Variants in DLGAP1 observed in about 807,000 individuals in gnomAD.
DLGAP1 encodes the protein disks large-associated protein 1.
A neutral mutation model predicts 90.8 loss-of-function variants in DLGAP1; 11 were observed. The ratio of observed to expected loss-of-function variants is 0.12; its 90% confidence interval spans 0.08 to 0.20. DLGAP1 has a LOEUF of 0.20. Among genes scored for constraint, DLGAP1 ranks in the 10% least tolerant of loss-of-function variants. The pLI is 1.00. For missense variants in DLGAP1, 1,050 were observed against 1,333.8 expected (o/e 0.79, Z 3.31); for synonymous variants, 558 against 540.7 (o/e 1.03, Z -0.44).
intron 1 of DLGAP1, among the ~76,000 whole-genome samples, chr18:4,364,547 G>A (rs1467067781): frequency 6.6e-6 from 1 of 151,640 alleles, no homozygotes; most frequent in East Asian, 1.9e-4. Context: ...GGGAGGGAGT[G>A]CCCAGAATTG....
At chr18:4,363,595 G>A (rs1043658965) in intron 1 of DLGAP1, among the ~76,000 whole-genome samples, 40 of 152,236 alleles carry the variant, frequency 2.6e-4, no homozygotes, top group African/African-American at 9.6e-4. Context: ...AGTGGGCGAA[G>A]GACATGAACA....
chr18:4,109,852 T>C (rs2075940759), intron 2 of DLGAP1, among the ~76,000 whole-genome samples: 1 of 152,152 alleles, frequency 6.6e-6, no homozygotes, highest in Non-Finnish European at 1.5e-5. Context: ...AAGATTTGGG[T>C]TCGATTTTCC....
chr18:3,923,924 T>C lies in DLGAP1; in HGVS notation c.-72-43784A>G, dbSNP rs182474816. On this transcript the variant is annotated intron_variant, in intron 3 of 12. Coordinates refer to ENST00000315677, the MANE Select transcript of DLGAP1 (RefSeq NM_004746.4). The stretch of plus-strand genomic sequence containing the variant: ...ATCTTAAAGGAGATGGTGCTGGTGT[T>C]GAGTCACTATCTAATGACGACTCAC... 1.6e-3 allele frequency among the ~76,000 whole-genome samples: 246 copies of C among 152,344 alleles called. 1 individual carries two copies. Among genetic ancestry groups the C allele is most frequent in the African/African-American group, 5.8e-3 (243 of 41,572 alleles).
At chr18:4,140,397 A>G (rs2076475978) in intron 2 of DLGAP1, among the ~76,000 whole-genome samples, 1 of 152,004 alleles carries the variant, frequency 6.6e-6, no homozygotes, top group Admixed American at 6.6e-5. Flanking sequence ...ATAAGCAAAG[A>G]GAAAATGAAT....
intron 5 of DLGAP1, among the ~76,000 whole-genome samples, chr18:3,799,203 C>T (rs1466225802): frequency 6.6e-6 from 1 of 152,148 alleles, no homozygotes; most frequent in Non-Finnish European, 1.5e-5. Flanking sequence ...AAGAAAAAGC[C>T]ACAACCAGAG....
chr18:3,687,477 TA>T lies in DLGAP1; in HGVS notation c.1591+41657del, dbSNP rs368806068. 3.9e-4 allele frequency among the ~76,000 whole-genome samples: 59 copies of T among 152,366 alleles called. 2 individuals carry two copies. In the East Asian group the frequency reaches 8.9e-3, roughly 23 times the overall value. On this transcript the variant is annotated intron_variant, in intron 7 of 12. Coordinates refer to ENST00000315677, the MANE Select transcript of DLGAP1 (RefSeq NM_004746.4). ...TGCTTTGATATAGCTCTTCATTAAT[TA>T]CTTTATAAACATGATGATGATCTTA... is the stretch of plus-strand genomic sequence containing the variant.
At chr18:4,372,384 G>T (rs933824408) in intron 1 of DLGAP1, among the ~76,000 whole-genome samples, 8 of 152,196 alleles carry the variant, frequency 5.3e-5, no homozygotes, top group Admixed American at 3.3e-4. Context: ...GCCTTGTGAG[G>T]GGTTCAGTTG....
chr18:4,314,785 T>G (rs2080485496), intron 1 of DLGAP1, among the ~76,000 whole-genome samples: 1 of 152,098 alleles, frequency 6.6e-6, no homozygotes, highest in African/African-American at 2.4e-5. Context: ...GGATGGTACG[T>G]TAGGGCGTGG....
chr18:4,281,535 C>T (rs1257506116), intron 1 of DLGAP1, among the ~76,000 whole-genome samples: 2 of 152,128 alleles, frequency 1.3e-5, no homozygotes, highest in Non-Finnish European at 2.9e-5. Flanking sequence ...ACCTGGGAAA[C>T]GAGAGCGAAA....
chr18:3,784,728 G>A (rs1178740343), intron 5 of DLGAP1, among the ~76,000 whole-genome samples: 1 of 152,180 alleles, frequency 6.6e-6, no homozygotes, highest in Non-Finnish European at 1.5e-5. Flanking sequence ...GAGAGCCTTG[G>A]GGAAAAGGCG....
chr18:4,099,307 CTATCT>C (rs1568395917), intron 2 of DLGAP1, among the ~76,000 whole-genome samples: 37 of 108,936 alleles, frequency 3.4e-4, no homozygotes, highest in South Asian at 2.0e-3. Context: ...ATCTATCTAT[CTATCT>C]ATCTATCTAT....
rs1046128873 is a variant in DLGAP1, at chr18:4,342,829, T to C, written c.-267+112177A>G. Among the ~76,000 whole-genome samples, 2 of 152,040 alleles carry C rather than the reference T, an allele frequency of 1.3e-5. No individual in the cohort carries two copies. Among genetic ancestry groups the C allele is most frequent in the African/African-American group, 4.8e-5 (2 of 41,306 alleles). On this transcript the variant is annotated intron_variant, in intron 1 of 12. Coordinates refer to ENST00000315677, the MANE Select transcript of DLGAP1 (RefSeq NM_004746.4). This position sits in a 1 kb window ranked among gnomAD's most constrained non-coding sequence, Gnocchi z 5.8. ...GAAAATCTTTACAAATTTTTTGATT[T>C]AATTGTTTACAACAATTCATAGAGA...
At position 3,814,230 on chromosome 18, in the gene DLGAP1, T is replaced by A. The variant is rs777614597; in HGVS notation, c.1001A>T (p.Asp334Val). Reference sequence around the variant, plus strand: ...CATTCTTCGGCATGGAATTTCATCATCTTTACCTCGTGGGGTGTACCCTGT... The same window carrying A: ...CATTCTTCGGCATGGAATTTCATCAACTTTACCTCGTGGGGTGTACCCTGT... ...EWTGYTPRGK[D>V]DEIPCRRMRS... The change falls in exon 5 of 13, where the codon GAT becomes GTT. Residue 334 changes from aspartate (D) to valine (V), a missense_variant. Asp to Val is a radical substitution (Grantham distance 152). Coordinates refer to ENST00000315677, the MANE Select transcript of DLGAP1 (RefSeq NM_004746.4). 1.2e-6 allele frequency: 2 copies of A among 1,614,192 alleles called. No homozygotes were observed. The highest frequency in any genetic ancestry group is 2.2e-5 in the South Asian group (2 of 91,080).
Position 4,317,669 on chromosome 18 carries a change from CTT to C in DLGAP1, c.-267+137335_-267+137336del, listed in dbSNP as rs558245413. On this transcript the variant is annotated intron_variant, in intron 1 of 12. Coordinates refer to ENST00000315677, the MANE Select transcript of DLGAP1 (RefSeq NM_004746.4). The stretch of plus-strand genomic sequence containing the variant: ...GAAACTTGTTTCTATTTAAGTATCT[CTT>C]TTGTTTTCCTCTCGAATCTCAAGTG... Among the ~76,000 whole-genome samples, 8 of 152,292 alleles carry C rather than the reference CTT, an allele frequency of 5.3e-5. 1 individual carries two copies. In the South Asian group the frequency reaches 1.7e-3, roughly 32 times the overall value.
chr18:4,111,723 A>G (rs1420046070), intron 2 of DLGAP1, among the ~76,000 whole-genome samples: 1 of 152,020 alleles, frequency 6.6e-6, no homozygotes, highest in African/African-American at 2.4e-5. Context: ...ATTTGTGGGC[A>G]CACATTATTA....
At chr18:4,298,769 AAT>A (rs71160950) in intron 1 of DLGAP1, among the ~76,000 whole-genome samples, 30,801 of 148,340 alleles carry the variant, frequency 0.21, 3,161 homozygotes, top group African/African-American at 0.24. Context: ...AATTTAAATA[AAT>A]AAAAAAAAAA....
At position 3,879,253 on chromosome 18, in the gene DLGAP1, C is replaced by T. The variant is rs200721238; in HGVS notation, c.816G>A (p.Pro272=). 1.7e-5 allele frequency: 27 copies of T among 1,598,300 alleles called. No homozygotes were observed. In the Admixed American group the frequency reaches 3.1e-4, roughly 18 times the overall value. The change falls in exon 4 of 13, where the codon CCG becomes CCA. Residue 272 remains proline, a synonymous_variant. Transcript: ENST00000315677. This position sits in a 1 kb window ranked among gnomAD's most constrained non-coding sequence, Gnocchi z 6.6. ...AGGACCAGGCGCTCTTCTTCAGCAG[C>T]GGGGTGTCCAGGCTGACCGGCAGGT... The part of the protein sequence containing the change: ...CANLPVSLDT[P]LLKKSAWSST...
At chr18:3,847,509 G>A (rs78757392) in intron 4 of DLGAP1, among the ~76,000 whole-genome samples, 1,628 of 152,180 alleles carry the variant, frequency 0.011, 26 homozygotes, top group African/African-American at 0.036. Flanking sequence ...TAAAGATGAA[G>A]GGGAGGAATA....
chr18:4,367,309 A>C (rs1032737958), intron 1 of DLGAP1, among the ~76,000 whole-genome samples: 1 of 151,976 alleles, frequency 6.6e-6, no homozygotes, highest in East Asian at 1.9e-4. Flanking sequence ...CCAATGTCAA[A>C]TCTTAGTTTG....
Sources: allele counts gnomAD v4.1 joint callset (sites outside exome capture counted in the v4.1 genomes callset), GRCh38; gene constraint gnomAD v4.1.1; non-coding constraint Gnocchi (gnomAD v3.1); transcripts MANE v1.5; gene names NCBI Gene and HGNC (gene_info 2026-07-23, HGNC 2026-07-21).